UBXN8: variants seen among roughly 807,000 people sequenced by gnomAD.
UBXN8 encodes UBX domain-containing protein 8.
In UBXN8, 27 loss-of-function variants were observed where a neutral mutation model predicts 32.1. The observed-to-expected ratio is 0.84, with a 90% CI of 0.62 to 1.16. The LOEUF (loss-of-function observed/expected upper bound fraction) is 1.16. Among genes scored for constraint, UBXN8 ranks in the 50% most tolerant of loss-of-function variants. The pLI, the probability that UBXN8 is intolerant of heterozygous loss-of-function variation, is 0.00. For synonymous variants in UBXN8, 109 were observed against 111.8 expected (o/e 0.98, Z 0.16); for missense variants, 306 against 311.4 (o/e 0.98, Z 0.13).
At chr8:30,750,857 A>G (rs1805503425) in intron 1 of UBXN8, among the ~76,000 whole-genome samples, 2 of 152,072 alleles carry the variant, frequency 1.3e-5, no homozygotes, top group East Asian at 3.8e-4. Flanking sequence ...AAATGGATAA[A>G]TGGATGTTTG....
chr8:30,730,750 C>G (rs1164093729), upstream of UBXN8, among the ~76,000 whole-genome samples: 1 of 152,236 alleles, frequency 6.6e-6, no homozygotes, highest in African/African-American at 2.4e-5. Flanking sequence ...CATGTATACT[C>G]CCTTTGATCC....
chr8:30,732,890 C>T (rs987814927), exon 1 of UBXN8: 22 of 152,146 alleles, frequency 1.4e-4, no homozygotes, highest in African/African-American at 5.1e-4. Context: ...ACATAAAGGC[C>T]CCCCATGCTG....
At chr8:30,761,321 T>C (rs1805825629) in intron 6 of UBXN8, among the ~76,000 whole-genome samples, 1 of 151,940 alleles carries the variant, frequency 6.6e-6, no homozygotes, top group East Asian at 1.9e-4. Context: ...CTCAGCTCAC[T>C]GCAGCGTCCG....
intron 5 of UBXN8, among the ~76,000 whole-genome samples, chr8:30,757,449 G>A (rs1464442719): frequency 1.3e-5 from 2 of 152,054 alleles, no homozygotes; most frequent in African/African-American, 2.4e-5. Flanking sequence ...CTACTGAGGA[G>A]GCTGAGACAG....
At chr8:30,729,236 C>G (rs763170642), upstream of UBXN8, among the ~76,000 whole-genome samples, 105 of 152,332 alleles carry the variant, frequency 6.9e-4, 1 homozygote, top group Non-Finnish European at 2.2e-4. Context: ...GCAATTGCCC[C>G]GGTGGAACGC....
At chr8:30,753,182 G>A in intron 3 of UBXN8, 77 bp downstream of exon 3, 18 of 1,380,344 alleles carry the variant, frequency 1.3e-5, no homozygotes, top group Non-Finnish European at 1.7e-5. Context: ...AAGGGCTGTT[G>A]CTTCTGTCTT....
chr8:30,766,477 C>A lies in UBXN8; in HGVS notation c.*83C>A. The A allele has an allele frequency of 7.2e-7, 1 of 1,389,050 alleles. No individual in the cohort carries two copies. The highest frequency in any genetic ancestry group is 9.5e-7 in the Non-Finnish European group (1 of 1,051,090). 86.0% of individuals were successfully genotyped at this position (1,389,050 alleles called of 1,614,324 possible). Reference sequence around the variant, plus strand: ...CAATAAAGGCTTCACTTTCAAATCACACTATACCTTGATTGAGCTCATGGC... The same window carrying A: ...CAATAAAGGCTTCACTTTCAAATCAAACTATACCTTGATTGAGCTCATGGC... On this transcript the variant is annotated 3_prime_UTR_variant, in exon 8 of 8. Coordinates refer to ENST00000265616, the MANE Select transcript of UBXN8 (RefSeq NM_005671.4).
intron 1 of UBXN8, among the ~76,000 whole-genome samples, chr8:30,746,515 A>ATTTTTTT (rs58215831): frequency 2.5e-5 from 3 of 121,400 alleles, no homozygotes; most frequent in African/African-American, 3.3e-5. Flanking sequence ...CTTAAGCTAG[A>ATTTTTTT]TTTTTTTTTT....
chr8:30,730,459 G>A (rs1335220853), upstream of UBXN8, among the ~76,000 whole-genome samples: 2 of 152,144 alleles, frequency 1.3e-5, no homozygotes, highest in Admixed American at 6.5e-5. Context: ...GATGAAAGGC[G>A]GAGAGTGCTC....
chr8:30,737,767 G>C (rs1426133686), intron 1 of UBXN8, among the ~76,000 whole-genome samples: 2 of 152,064 alleles, frequency 1.3e-5, no homozygotes, highest in Admixed American at 6.6e-5. Flanking sequence ...AGGATCACGT[G>C]GGCCTGGGAG....
intron 1 of UBXN8, among the ~76,000 whole-genome samples, chr8:30,737,395 A>G (rs938504478): frequency 7.2e-5 from 11 of 152,158 alleles, no homozygotes; most frequent in Non-Finnish European, 1.5e-4. Flanking sequence ...GAGTTAAGTG[A>G]TTTAAATGTT....
chr8:30,743,180 G>A (rs1279360356), upstream of UBXN8, among the ~76,000 whole-genome samples: 3 of 144,794 alleles, frequency 2.1e-5, no homozygotes, highest in African/African-American at 7.7e-5. Context: ...TTTTTGAGAC[G>A]GGGTCTCATT....
chr8:30,761,059 G>T (rs1733681389), intron 6 of UBXN8, 130 bp downstream of exon 6: 5 of 628,996 alleles, frequency 7.9e-6, no homozygotes, highest in Middle Eastern at 4.4e-4. Context: ...TGATTATACT[G>T]TAACTAGGTC....
upstream of UBXN8, chr8:30,732,308 G>C: frequency 1.3e-5 from 5 of 398,202 alleles, no homozygotes; most frequent in Non-Finnish European, 1.8e-5. Context: ...GCTCTACTCC[G>C]GCACCTGGAG....
chr8:30,731,288 C>A (rs1804946347), upstream of UBXN8, among the ~76,000 whole-genome samples: 1 of 152,172 alleles, frequency 6.6e-6, no homozygotes, highest in Non-Finnish European at 1.5e-5. Context: ...CATTGATTTT[C>A]TTATAGATAC....
upstream of UBXN8, among the ~76,000 whole-genome samples, chr8:30,731,486 A>C (rs181000231): frequency 0.016 from 2,365 of 152,286 alleles, 30 homozygotes; most frequent in South Asian, 0.024. Context: ...CTTGTTGAGA[A>C]GGGACTTGCT....
Position 30,766,402 on chromosome 8 carries a change from G to C in UBXN8, c.*8G>C, listed in dbSNP as rs145711178. 6 of 1,584,792 alleles carry C rather than the reference G, an allele frequency of 3.8e-6. No homozygotes were observed. Among genetic ancestry groups the C allele is most frequent in the South Asian group, 3.4e-5 (3 of 87,972 alleles). ...AAGGAGCAGACCAACTAGGAAAGAA[G>C]GGAGAGCTCCCTGTTTGCATGAAGT... On this transcript the variant is annotated 3_prime_UTR_variant, in exon 8 of 8. Transcript: ENST00000265616.
upstream of UBXN8, chr8:30,732,579 C>A (rs771164920): frequency 1.1e-5 from 3 of 273,052 alleles, no homozygotes; most frequent in South Asian, 3.4e-4. Flanking sequence ...GACCGGGAAC[C>A]TTTTGAATGG....
intron 1 of UBXN8, among the ~76,000 whole-genome samples, chr8:30,744,783 G>A (rs936798278): frequency 1.3e-5 from 2 of 152,222 alleles, no homozygotes; most frequent in African/African-American, 2.4e-5. Flanking sequence ...AGTGGGGGCA[G>A]GGAAGGGATG....
Sources: gnomAD v4.1 joint callset for allele counts (sites outside exome capture counted in the v4.1 genomes callset) on GRCh38, gnomAD v4.1.1 for gene constraint, MANE v1.5 for transcripts, NCBI Gene and HGNC (gene_info 2026-07-23, HGNC 2026-07-21) for gene names.